The following SLCO1B3 variants were observed in gnomAD, a reference collection of about 807,000 sequenced individuals.
SLCO1B3 encodes the protein liver-specific organic anion transporter 2.
A neutral mutation model predicts 71.8 loss-of-function variants in SLCO1B3; 72 were observed. That is an observed-to-expected ratio of 1.00 (90% confidence interval 0.83 to 1.22). SLCO1B3 has a LOEUF of 1.22. Ranked by LOEUF, SLCO1B3 falls within the 50% of genes most tolerant of loss-of-function variation. The pLI, the probability that SLCO1B3 is intolerant of heterozygous loss-of-function variation, is 0.00. For synonymous variants in SLCO1B3, 298 were observed against 278.4 expected (o/e 1.07, Z -0.70); for missense variants, 911 against 819.7 (o/e 1.11, Z -1.36).
chr12:20,821,837 G>A (rs1226426885), intron 3 of SLCO1B3, among the ~76,000 whole-genome samples: 5 of 152,222 alleles, frequency 3.3e-5, no homozygotes, highest in African/African-American at 7.2e-5. Flanking sequence ...AACACCAAGG[G>A]AAGGCTGCCT....
intron 3 of SLCO1B3, among the ~76,000 whole-genome samples, chr12:20,816,145 A>C (rs1315837058): frequency 6.6e-6 from 1 of 152,166 alleles, no homozygotes; most frequent in East Asian, 1.9e-4. Flanking sequence ...TGCAATGTGA[A>C]ATAAGCAAAT....
intron 7 of SLCO1B3, 71 bp downstream of exon 7, chr12:20,862,629 A>AT: frequency 6.7e-7 from 1 of 1,493,462 alleles, no homozygotes; most frequent in Non-Finnish European, 9.1e-7. Context: ...TAATGTCATT[A>AT]TTTTTTTCTT....
intron 15 of SLCO1B3, among the ~76,000 whole-genome samples, chr12:20,909,101 C>T (rs1471790888): frequency 2.0e-5 from 3 of 151,140 alleles, no homozygotes; most frequent in African/African-American, 7.3e-5. Context: ...AGTGGTATCT[C>T]ATTGTTGTTT....
At chr12:20,813,154 A>G (rs538286349) in intron 1 of SLCO1B3, among the ~76,000 whole-genome samples, 158 of 152,322 alleles carry the variant, frequency 1.0e-3, no homozygotes, top group African/African-American at 3.6e-3. Context: ...TAATATCTTC[A>G]GATATTGATT....
chr12:20,861,625 T>A (rs909722127), intron 6 of SLCO1B3, among the ~76,000 whole-genome samples: 1 of 151,706 alleles, frequency 6.6e-6, no homozygotes, highest in Non-Finnish European at 1.5e-5. Flanking sequence ...GTGAATAATA[T>A]AACTTTCTCT....
chr12:20,854,652 ATGCAC>A (rs1274922823), intron 3 of SLCO1B3, among the ~76,000 whole-genome samples: 1 of 152,228 alleles, frequency 6.6e-6, no homozygotes, highest in Non-Finnish European at 1.5e-5. Flanking sequence ...CTACTCCTGC[ATGCAC>A]TGCCATTCCC....
chr12:20,846,752 G>T (rs1235614839), intron 3 of SLCO1B3, among the ~76,000 whole-genome samples: 2 of 152,080 alleles, frequency 1.3e-5, no homozygotes, highest in Non-Finnish European at 2.9e-5. Flanking sequence ...GAAAGAGAAG[G>T]TTCAGTGGGG....
chr12:20,898,239 T>G (rs1565606483), intron 13 of SLCO1B3, among the ~76,000 whole-genome samples, 197 bp from the exon 14 acceptor site: 1 of 152,124 alleles, frequency 6.6e-6, no homozygotes, highest in African/African-American at 2.4e-5. Context: ...ATTTAATAAA[T>G]AAAGAAATTA....
At chr12:20,874,653 A>G (rs1021857348) in intron 8 of SLCO1B3, among the ~76,000 whole-genome samples, 2 of 152,206 alleles carry the variant, frequency 1.3e-5, no homozygotes, top group African/African-American at 4.8e-5. Context: ...AATGATTTCT[A>G]ACATTTAGAG....
At chr12:20,892,426 T>C (rs987396049) in intron 13 of SLCO1B3, among the ~76,000 whole-genome samples, 2 of 152,110 alleles carry the variant, frequency 1.3e-5, no homozygotes, top group African/African-American at 4.8e-5. Flanking sequence ...TGTTCAATGC[T>C]AGACGTAATA....
intron 3 of SLCO1B3, among the ~76,000 whole-genome samples, chr12:20,835,510 A>G (rs1183274284): frequency 6.6e-6 from 1 of 152,142 alleles, no homozygotes; most frequent in African/African-American, 2.4e-5. Flanking sequence ...TCTCAAGTTC[A>G]AAGTTCCACA....
intron 13 of SLCO1B3, among the ~76,000 whole-genome samples, chr12:20,891,735 A>G (rs892343916): frequency 2.0e-5 from 3 of 151,916 alleles, no homozygotes; most frequent in African/African-American, 7.2e-5. Flanking sequence ...TTACTTTTCT[A>G]TGTATTTTTC....
chr12:20,819,528 G>A (rs1165965136), intron 3 of SLCO1B3, among the ~76,000 whole-genome samples: 3 of 152,142 alleles, frequency 2.0e-5, no homozygotes, highest in Non-Finnish European at 2.9e-5. Context: ...ATTGTGGAGG[G>A]AGGTATTGAG....
At chr12:20,833,422 T>G (rs1229859401) in intron 3 of SLCO1B3, among the ~76,000 whole-genome samples, 1 of 149,974 alleles carries the variant, frequency 6.7e-6, no homozygotes, top group African/African-American at 2.4e-5. Context: ...ATATATAGTT[T>G]ATATATGTTT....
chr12:20,874,892 C>T (rs1348918517), intron 8 of SLCO1B3, among the ~76,000 whole-genome samples: 1 of 152,100 alleles, frequency 6.6e-6, no homozygotes, highest in Admixed American at 6.5e-5. Flanking sequence ...AGTGAGGATT[C>T]ATATTTCTTC....
At chr12:20,850,256 T>TTTTTATTTA (rs1555154813) in intron 3 of SLCO1B3, among the ~76,000 whole-genome samples, 2 of 143,040 alleles carry the variant, frequency 1.4e-5, no homozygotes. Flanking sequence ...ATTATTATTA[T>TTTTTATTTA]TTTATTTATT....
At position 20,904,923 on chromosome 12, in the gene SLCO1B3, A is replaced by G. The variant is rs533401928; in HGVS notation, c.1865+3456A>G. 2.0e-5 allele frequency among the ~76,000 whole-genome samples: 3 copies of G among 151,720 alleles called. 1 individual carries two copies. Among genetic ancestry groups the G allele is most frequent in the Admixed American group, 2.0e-4 (3 of 15,222 alleles). ...TGAGTAGGTGGGACCACAGGCATGC[A>G]CCACCATACCTGACTACTTTTCATG... On this transcript the variant is annotated intron_variant, in intron 15 of 15. Transcript: ENST00000381545.
chr12:20,854,466 G>A (rs985704540), intron 3 of SLCO1B3, among the ~76,000 whole-genome samples: 2 of 152,066 alleles, frequency 1.3e-5, no homozygotes, highest in African/African-American at 4.8e-5. Flanking sequence ...TGTCTCCTGA[G>A]ACAGATTTTG....
intron 3 of SLCO1B3, among the ~76,000 whole-genome samples, chr12:20,842,813 T>C (rs1392662986): frequency 6.6e-6 from 1 of 152,130 alleles, no homozygotes; most frequent in Admixed American, 6.5e-5. Context: ...ATTGCTATGG[T>C]CTGAATATTT....
Sources: gnomAD v4.1 joint callset for allele counts (sites outside exome capture counted in the v4.1 genomes callset) on GRCh38, gnomAD v4.1.1 for gene constraint, MANE v1.5 for transcripts, NCBI Gene and HGNC (gene_info 2026-07-23, HGNC 2026-07-21) for gene names.